Variants in ADGRL4 observed in about 807,000 individuals in gnomAD.
ADGRL4 encodes the protein adhesion G protein-coupled receptor L4.
A neutral mutation model predicts 74.8 loss-of-function variants in ADGRL4; 90 were observed. That is an observed-to-expected ratio of 1.20 (90% confidence interval 1.02 to 1.43). The LOEUF (loss-of-function observed/expected upper bound fraction) is 1.43, where lower values mean the gene tolerates loss of function less well. Among genes scored for constraint, ADGRL4 ranks in the 40% most tolerant of loss-of-function variants. The pLI is 0.00. For synonymous variants in ADGRL4, 311 were observed against 279.2 expected, an observed-to-expected ratio of 1.11 and a Z score of -1.14; for missense variants, 881 against 814.3, an observed-to-expected ratio of 1.08 and a Z score of -1.00.
intron 2 of ADGRL4, among the ~76,000 whole-genome samples, chr1:78,992,492 A>G (rs1369553596): frequency 2.0e-5 from 3 of 152,116 alleles, no homozygotes; most frequent in African/African-American, 7.2e-5. Context: ...TGACTTGAAC[A>G]TAAAATATTG....
chr1:78,910,106 G>A (rs925634389), intron 12 of ADGRL4, among the ~76,000 whole-genome samples: 4 of 151,666 alleles, frequency 2.6e-5, no homozygotes, highest in African/African-American at 9.7e-5. Flanking sequence ...TGTATTTATG[G>A]GGAGAATGAG....
Position 78,944,167 on chromosome 1 carries a change from T to C in ADGRL4, c.325+2107A>G, listed in dbSNP as rs12031977. 5.6e-3 allele frequency among the ~76,000 whole-genome samples: 844 copies of C among 151,512 alleles called. 50 individuals are homozygous for C. In the East Asian group the frequency reaches 0.14, roughly 25 times the overall value. On this transcript the variant is annotated intron_variant, in intron 3 of 14. Coordinates refer to ENST00000370742, the MANE Select transcript of ADGRL4 (RefSeq NM_022159.4). ...ACCGAGAAATGTAGCCCTTTGTGAG[T>C]TGAGGGTTATTAAAAGTAAACATGA...
At chr1:78,929,327 C>A (rs975430261) in intron 7 of ADGRL4, among the ~76,000 whole-genome samples, 8 of 151,166 alleles carry the variant, frequency 5.3e-5, no homozygotes, top group African/African-American at 1.5e-4. Flanking sequence ...CCAGCCTGGG[C>A]AATATGGCAA....
Position 78,949,111 on chromosome 1 carries a change from T to A in ADGRL4, c.173-2685A>T, listed in dbSNP as rs149066919. 2.0e-5 allele frequency among the ~76,000 whole-genome samples: 3 copies of A among 152,216 alleles called. No individual in the cohort carries two copies. The East Asian group carries it at 5.8e-4, about 29-fold the overall frequency. The stretch of plus-strand genomic sequence containing the variant: ...AATATAGAGGACGATGAGGATTGTA[T>A]CCCTTGTGGGCTATAGCTGTAAAAA... On this transcript the variant is annotated intron_variant, in intron 2 of 14. Transcript: ENST00000370742.
intron 3 of ADGRL4, 125 bp downstream of exon 3, chr1:78,946,149 T>A: frequency 1.8e-6 from 1 of 551,860 alleles, no homozygotes; most frequent in Non-Finnish European, 2.9e-6. Flanking sequence ...ATTACATTTC[T>A]GAAAGTACTT....
chr1:78,946,426 T>A lies in ADGRL4; in HGVS notation c.173A>T (p.Asp58Val), dbSNP rs376613673. 4.4e-6 allele frequency: 7 copies of A among 1,599,702 alleles called. No homozygotes were observed. The highest frequency in any genetic ancestry group is 6.0e-6 in the Non-Finnish European group (7 of 1,174,642). ...AGTTAAATTTCCACATTCATTATCA[T>A]CTGTTGGCATATGAATTTAAAAGAT... ...FSGNGVTICE[D>V]DNECGNLTQS... is the part of the protein sequence containing the mutation. The change falls in exon 3 of 15, where the codon GAT (aspartate) becomes GTT (valine). Residue 58 changes from aspartate to valine, a missense_variant and splice_region_variant. By Grantham distance (152) the Asp-to-Val change is radical (BLOSUM62 -3). Transcript: ENST00000370742.
rs573249546 is a variant in ADGRL4, at chr1:78,933,929, G to A, written c.877+2366C>T. Among the ~76,000 whole-genome samples the A allele has an allele frequency of 2.0e-5, 3 of 152,250 alleles. 1 individual carries two copies. The highest frequency in any genetic ancestry group is 6.5e-5 in the Admixed American group (1 of 15,282). The stretch of plus-strand genomic sequence containing the variant: ...CAAATCACTGCTCAAGGAAGTAAGA[G>A]AGGACACAAACAAATGGAAAAATTG... On this transcript the variant is annotated intron_variant, in intron 7 of 14. Coordinates refer to ENST00000370742, the MANE Select transcript of ADGRL4 (RefSeq NM_022159.4).
At chr1:78,926,418 A>G (rs1649115409) in intron 8 of ADGRL4, among the ~76,000 whole-genome samples, 1 of 152,040 alleles carries the variant, frequency 6.6e-6, no homozygotes, top group Non-Finnish European at 1.5e-5. Flanking sequence ...AAAGAGTAAA[A>G]TGGTCTCCAC....
At chr1:78,943,191 A>G (rs1649528249) in intron 3 of ADGRL4, among the ~76,000 whole-genome samples, 1 of 152,200 alleles carries the variant, frequency 6.6e-6, no homozygotes, top group Non-Finnish European at 1.5e-5. Flanking sequence ...AAAATCTACA[A>G]TTATCATCGA....
At chr1:78,917,194 G>T (rs1051013140) in intron 12 of ADGRL4, among the ~76,000 whole-genome samples, 7 of 151,726 alleles carry the variant, frequency 4.6e-5, no homozygotes, top group Admixed American at 1.3e-4. Flanking sequence ...ATCGATAAAA[G>T]ATTAAATAAT....
At chr1:78,892,093 G>A (rs916496052) in intron 13 of ADGRL4, among the ~76,000 whole-genome samples, 3 of 152,050 alleles carry the variant, frequency 2.0e-5, no homozygotes, top group African/African-American at 7.2e-5. Flanking sequence ...AAGAAACTCC[G>A]AAAAGAAAGT....
At chr1:78,897,499 A>C (rs1488635584) in intron 12 of ADGRL4, among the ~76,000 whole-genome samples, 1 of 151,940 alleles carries the variant, frequency 6.6e-6, no homozygotes, top group Non-Finnish European at 1.5e-5. Context: ...ATTACCCTTA[A>C]CTTGCACCTT....
chr1:78,891,564 C>A lies in ADGRL4; in HGVS notation c.1970G>T (p.Gly657Val). The change falls in exon 14 of 15, where the codon GGG becomes GTG. Residue 657 changes from glycine to valine, a missense_variant. Physicochemically the swap from Gly to Val is moderately radical, Grantham distance 109. Coordinates refer to ENST00000370742, the MANE Select transcript of ADGRL4 (RefSeq NM_022159.4). ...YLFTVSNAFQ[G>V]MFIFLFLCVL... is the part of the protein sequence containing the mutation. Reference sequence around the variant, plus strand: ...ACACAGGAATAAAAAAATGAACATCCCCTGGAAAGCATTGCTGACTGTGAA... The same window carrying A: ...ACACAGGAATAAAAAAATGAACATCACCTGGAAAGCATTGCTGACTGTGAA... The A allele has an allele frequency of 6.2e-7, 1 of 1,613,148 alleles. No homozygotes were observed. The highest frequency in any genetic ancestry group is 8.5e-7 in the Non-Finnish European group (1 of 1,179,604).
At chr1:78,894,021 A>C (rs1021346561) in intron 12 of ADGRL4, among the ~76,000 whole-genome samples, 38 of 151,952 alleles carry the variant, frequency 2.5e-4, no homozygotes, top group Admixed American at 1.4e-3. Context: ...TAAAATATTA[A>C]ATATTATAGA....
At chr1:79,005,686 A>C (rs938852612) in intron 1 of ADGRL4, among the ~76,000 whole-genome samples, 1 of 152,248 alleles carries the variant, frequency 6.6e-6, no homozygotes, top group Non-Finnish European at 1.5e-5. Flanking sequence ...TTAAGATGAC[A>C]TCTTATCTAG....
chr1:78,955,075 G>A (rs902251318), intron 2 of ADGRL4, among the ~76,000 whole-genome samples: 3 of 152,012 alleles, frequency 2.0e-5, no homozygotes, highest in African/African-American at 7.2e-5. Flanking sequence ...TAGATATTTA[G>A]TAATGTAAGA....
chr1:78,903,631 TA>T (rs748303546), intron 12 of ADGRL4, among the ~76,000 whole-genome samples: 2 of 151,198 alleles, frequency 1.3e-5, no homozygotes, highest in Non-Finnish European at 1.5e-5. Flanking sequence ...AGTGGAAGTT[TA>T]AAAAAAAAGT....
At chr1:78,928,585 T>C (rs891714728) in intron 7 of ADGRL4, among the ~76,000 whole-genome samples, 16 of 151,614 alleles carry the variant, frequency 1.1e-4, no homozygotes, top group Non-Finnish European at 1.5e-4. Context: ...AGATCTTTCC[T>C]GTATTTGTTA....
intron 8 of ADGRL4, among the ~76,000 whole-genome samples, chr1:78,925,013 T>C (rs1649082910): frequency 6.6e-6 from 1 of 152,122 alleles, no homozygotes; most frequent in Non-Finnish European, 1.5e-5. Context: ...GGAATGGTTT[T>C]ATTTTTTTAT....
Sources: allele counts gnomAD v4.1 joint callset (sites outside exome capture counted in the v4.1 genomes callset), GRCh38; gene constraint gnomAD v4.1.1; transcripts MANE v1.5; gene names NCBI Gene and HGNC (gene_info 2026-07-23, HGNC 2026-07-21).